The following KYNU variants were observed in gnomAD, a reference collection of about 807,000 sequenced individuals.
KYNU encodes the protein L-kynurenine hydrolase.
In KYNU, 54 loss-of-function variants were observed where a neutral mutation model predicts 59.2. That is an observed-to-expected ratio of 0.91 (90% CI 0.73 to 1.14). The LOEUF is 1.14. Among genes scored for constraint, KYNU ranks in the 50% most tolerant of loss-of-function variants. The pLI is 0.00. For missense variants in KYNU, 567 were observed against 554.4 expected, an observed-to-expected ratio of 1.02 and a Z score of -0.23; for synonymous variants, 177 against 192.0, an observed-to-expected ratio of 0.92 and a Z score of 0.65.
intron 4 of KYNU, among the ~76,000 whole-genome samples, chr2:142,929,263 A>C (rs2381356): frequency 0.13 from 19,997 of 151,136 alleles, 2,094 homozygotes; most frequent in African/African-American, 0.28. Flanking sequence ...AAAATTACAA[A>C]GTCTAAACTG....
At chr2:142,887,332 C>T (rs1170630609) in intron 2 of KYNU, among the ~76,000 whole-genome samples, 2 of 152,088 alleles carry the variant, frequency 1.3e-5, no homozygotes, top group African/African-American at 2.4e-5. Context: ...GTGATTACAG[C>T]CCTTGTGCAC....
chr2:143,000,934 A>G (rs1274505663), intron 10 of KYNU, among the ~76,000 whole-genome samples: 1 of 152,158 alleles, frequency 6.6e-6, no homozygotes. Flanking sequence ...ATTCATGTCG[A>G]TAAAACTGAA....
rs1201329079 is a variant in KYNU at position 143,043,773 on chromosome 2, TTA to T, written c.*1607_*1608del. The T allele has an allele frequency of 6.8e-6, 1 of 146,824 alleles. No homozygotes were observed. The highest frequency in any genetic ancestry group is 6.9e-5 in the Admixed American group (1 of 14,552). 9.1% of individuals were successfully genotyped at this position (146,824 alleles called of 1,614,324 possible). ...TTTATATATATTTATATTTATATATTTATATATTTATATTTTAATATATTTAT... is the reference window on the plus strand; with the variant it reads ...TTTATATATATTTATATTTATATATTTATATTTATATTTTAATATATTTAT... On this transcript the variant is annotated 3_prime_UTR_variant, in exon 14 of 14. Coordinates refer to ENST00000264170, the MANE Select transcript of KYNU (RefSeq NM_003937.3).
chr2:142,919,826 CT>C (rs968518806), intron 3 of KYNU, among the ~76,000 whole-genome samples: 5 of 152,150 alleles, frequency 3.3e-5, no homozygotes, highest in African/African-American at 1.2e-4. Flanking sequence ...AATCCCAGCA[CT>C]TTGGGAAGCT....
intron 10 of KYNU, among the ~76,000 whole-genome samples, chr2:143,016,450 C>G (rs975449124): frequency 1.3e-5 from 2 of 152,108 alleles, no homozygotes; most frequent in African/African-American, 4.8e-5. Context: ...TAAATCATTA[C>G]CAGAAAAGTC....
At chr2:142,975,852 A>G (rs1035872888) in intron 8 of KYNU, among the ~76,000 whole-genome samples, 2 of 152,168 alleles carry the variant, frequency 1.3e-5, no homozygotes, top group African/African-American at 4.8e-5. Flanking sequence ...CTCTAATTTC[A>G]TTCTGATTCC....
chr2:142,984,718 C>T (rs1011088370), intron 8 of KYNU, among the ~76,000 whole-genome samples: 3 of 152,004 alleles, frequency 2.0e-5, no homozygotes, highest in Non-Finnish European at 4.4e-5. Context: ...TCACATGAAA[C>T]TTTCCCATGC....
At chr2:142,889,860 C>T (rs1681651238) in intron 2 of KYNU, among the ~76,000 whole-genome samples, 1 of 151,706 alleles carries the variant, frequency 6.6e-6, no homozygotes, top group South Asian at 2.1e-4. Flanking sequence ...ATGAAAGGAT[C>T]ACAACTCCCA....
At chr2:143,032,731 G>GTGTGTGTGTGTGTGTGTGTGTC (rs1473460490) in intron 11 of KYNU, among the ~76,000 whole-genome samples, 1 of 151,256 alleles carries the variant, frequency 6.6e-6, no homozygotes, top group Non-Finnish European at 1.5e-5. Context: ...GTGTGTGTGT[G>GTGTGTGTGTGTGTGTGTGTGTC]TGTGTGTGTG....
intron 4 of KYNU, among the ~76,000 whole-genome samples, chr2:142,950,889 T>G (rs1310461689): frequency 6.6e-6 from 1 of 152,184 alleles, no homozygotes; most frequent in Non-Finnish European, 1.5e-5. Flanking sequence ...TCCTTTCACT[T>G]GAACACCTAA....
intron 10 of KYNU, among the ~76,000 whole-genome samples, chr2:143,019,627 C>T (rs941909762): frequency 9.2e-5 from 14 of 151,944 alleles, no homozygotes; most frequent in African/African-American, 3.4e-4. Context: ...TTTTCTGTTG[C>T]TATGTCCTTG....
In KYNU at chr2:143,054,111, C is replaced by T. The variant is rs774382838; in HGVS notation, c.*11939C>T. 1 of 152,140 alleles carries T rather than the reference C, an allele frequency of 6.6e-6. No homozygotes were observed. Among genetic ancestry groups the T allele is most frequent in the Non-Finnish European group, 1.5e-5 (1 of 68,024 alleles). The allele number at this position is 152,140 out of a possible 1,614,324, so 9.4% of individuals were successfully genotyped here. Reference sequence around the variant, plus strand: ...CACTGGTTTTTTCCCTATGTCCTTACAACCACCAATTGGATACATTGTTTC... The same window carrying T: ...CACTGGTTTTTTCCCTATGTCCTTATAACCACCAATTGGATACATTGTTTC... On this transcript the variant is annotated 3_prime_UTR_variant, in exon 14 of 14. Coordinates refer to ENST00000264170, the MANE Select transcript of KYNU (RefSeq NM_003937.3).
At chr2:142,885,320 C>A (rs773980626) in intron 1 of KYNU, 29 bp from the exon 2 acceptor site, 2 of 1,580,284 alleles carry the variant, frequency 1.3e-6, no homozygotes, top group Non-Finnish European at 1.7e-6. Flanking sequence ...ATTATGGTGG[C>A]TAGATTATGT....
chr2:142,985,051 A>T (rs1374406016), intron 8 of KYNU, 33 bp from the exon 9 acceptor site: 1 of 1,218,548 alleles, frequency 8.2e-7, no homozygotes, highest in Non-Finnish European at 1.2e-6. Flanking sequence ...ATCATGAAGC[A>T]AACTTAAAGC....
rs527926483 is a variant in KYNU, at chr2:142,985,444, C to A, written c.828+262C>A. On this transcript the variant is annotated intron_variant, in intron 9 of 13. Transcript: ENST00000264170. ...AAGTCAGGAGGTTCTGTAGAAAAAT[C>A]CCTACACTTAATTCAAATTGATCAT... 5.4e-4 allele frequency among the ~76,000 whole-genome samples: 82 copies of A among 151,902 alleles called. 1 individual carries two copies. The highest frequency in any genetic ancestry group is 2.3e-3 in the Admixed American group (35 of 15,218).
chr2:142,970,109 A>G (rs1242981321), intron 8 of KYNU, among the ~76,000 whole-genome samples: 1 of 152,222 alleles, frequency 6.6e-6, no homozygotes, highest in Non-Finnish European at 1.5e-5. Context: ...CCAATAAAAT[A>G]TGAGAGATTT....
At chr2:142,915,593 C>A (rs1279756553) in intron 2 of KYNU, among the ~76,000 whole-genome samples, 2 of 152,156 alleles carry the variant, frequency 1.3e-5, no homozygotes, top group African/African-American at 2.4e-5. Flanking sequence ...TTTTGATGCA[C>A]TAAAATGCTC....
chr2:142,904,888 A>T (rs1029816977), intron 2 of KYNU, among the ~76,000 whole-genome samples: 20 of 152,120 alleles, frequency 1.3e-4, no homozygotes, highest in Admixed American at 1.3e-3. Context: ...AAAGAAAGGG[A>T]TCCGGGCTGC....
At chr2:142,909,347 T>C (rs1682406583) in intron 2 of KYNU, among the ~76,000 whole-genome samples, 1 of 152,350 alleles carries the variant, frequency 6.6e-6, no homozygotes, top group Non-Finnish European at 1.5e-5. Context: ...GTTTGTATTT[T>C]TTTTTTAATT....
Sources: gnomAD v4.1 joint callset for allele counts (sites outside exome capture counted in the v4.1 genomes callset) on GRCh38, gnomAD v4.1.1 for gene constraint, MANE v1.5 for transcripts, NCBI Gene and HGNC (gene_info 2026-07-23, HGNC 2026-07-21) for gene names.